PCDH11X: variants seen among roughly 807,000 people sequenced by gnomAD.
PCDH11X encodes protocadherin 11 X-linked, also known as protocadherin-11 X-linked.
In PCDH11X, 18 loss-of-function variants were observed where a neutral mutation model predicts 53.3. The observed-to-expected ratio is 0.34, with a 90% CI of 0.23 to 0.50. The LOEUF (loss-of-function observed/expected upper bound fraction) is 0.50. Among genes scored for constraint, PCDH11X ranks in the 20% least tolerant of loss-of-function variants. The pLI, the probability that PCDH11X is intolerant of heterozygous loss-of-function variation, is 0.98. For missense variants in PCDH11X, 570 were observed against 1,032.4 expected, an observed-to-expected ratio of 0.55 and a Z score of 6.14; for synonymous variants, 279 against 393.3, an observed-to-expected ratio of 0.71 and a Z score of 3.44.
intron 1 of PCDH11X, among the ~76,000 whole-genome samples, chrX:91,796,324 T>C (rs1396579762): frequency 8.9e-6 from 1 of 111,904 alleles, no homozygotes; most frequent in Non-Finnish European, 1.9e-5. Flanking sequence ...GTATACATTT[T>C]TAGAGTAAAT....
rs189247569 is a variant in PCDH11X, at chrX:91,799,472, G to A, written c.-378-9994G>A. 9.3e-4 allele frequency among the ~76,000 whole-genome samples: 103 copies of A among 111,086 alleles called. 3 individuals carry two copies. In the East Asian group the frequency reaches 0.027, roughly 29 times the overall value. On this transcript the variant is annotated intron_variant, in intron 1 of 10. Coordinates refer to ENST00000682573, the MANE Select transcript of PCDH11X (RefSeq NM_032968.5). Reference sequence around the variant, plus strand: ...TATATGATATAAATGAGCTTGATAAGGTTGTTTAAAGATTCACAAAAGAAA... The same window carrying A: ...TATATGATATAAATGAGCTTGATAAAGTTGTTTAAAGATTCACAAAAGAAA...
intron 6 of PCDH11X, among the ~76,000 whole-genome samples, chrX:91,941,836 C>A (rs1244091948): frequency 4.5e-5 from 5 of 111,126 alleles, no homozygotes; most frequent in Non-Finnish European, 9.5e-5. Context: ...TAAAAGAATT[C>A]ATGTTATAGA....
intron 6 of PCDH11X, among the ~76,000 whole-genome samples, chrX:92,029,211 G>A (rs142332228): frequency 0.013 from 1,445 of 111,623 alleles, 20 homozygotes; most frequent in African/African-American, 0.044. Context: ...TAGTCTTTAG[G>A]AGCAAGTTGA....
intron 6 of PCDH11X, among the ~76,000 whole-genome samples, chrX:92,143,908 A>G (rs1276151162): frequency 8.9e-6 from 1 of 111,789 alleles, no homozygotes; most frequent in Non-Finnish European, 1.9e-5. Flanking sequence ...ACAAGGGCAG[A>G]GCTGCCCAAG....
chrX:91,824,031 T>A (rs1441358697), intron 4 of PCDH11X, among the ~76,000 whole-genome samples: 1 of 111,640 alleles, frequency 9.0e-6, no homozygotes, highest in South Asian at 3.8e-4. Flanking sequence ...GTAGGGTTTC[T>A]GCCGAGAGAT....
intron 6 of PCDH11X, among the ~76,000 whole-genome samples, chrX:92,158,799 C>A (rs180693685): frequency 2.7e-3 from 301 of 110,435 alleles, no homozygotes; most frequent in Non-Finnish European, 4.4e-3. Context: ...CCATGCCCAG[C>A]TAATTTTTGT....
At chrX:91,786,060 G>C (rs1935326916) in intron 1 of PCDH11X, among the ~76,000 whole-genome samples, 1 of 111,937 alleles carries the variant, frequency 8.9e-6, no homozygotes, top group African/African-American at 3.2e-5. Flanking sequence ...TTACTGTTTT[G>C]AATTTGAGGA....
intron 9 of PCDH11X, among the ~76,000 whole-genome samples, chrX:92,447,757 T>C (rs1312430018): frequency 8.9e-6 from 1 of 112,372 alleles, no homozygotes; most frequent in Non-Finnish European, 1.9e-5. Context: ...GACCCCAGAA[T>C]GGTAGATCCA....
At chrX:92,581,485 C>G (rs1923699214) in intron 10 of PCDH11X, among the ~76,000 whole-genome samples, 1 of 112,020 alleles carries the variant, frequency 8.9e-6, no homozygotes, top group Non-Finnish European at 1.9e-5. Context: ...CCCTCATTCT[C>G]TCTTGCCTAT....
chrX:92,477,794 A>C (rs1478777796), intron 10 of PCDH11X, among the ~76,000 whole-genome samples: 2 of 104,466 alleles, frequency 1.9e-5, no homozygotes, highest in Non-Finnish European at 3.9e-5. Flanking sequence ...TTCTGTGATC[A>C]TTATTTGTAT....
At chrX:91,832,219 A>G (rs1937131358) in intron 4 of PCDH11X, among the ~76,000 whole-genome samples, 1 of 105,680 alleles carries the variant, frequency 9.5e-6, no homozygotes, top group South Asian at 4.6e-4. Context: ...CACTATTCAC[A>G]ATAGCAAAGA....
At chrX:92,241,875 G>C (rs1437329378) in intron 7 of PCDH11X, among the ~76,000 whole-genome samples, 1 of 111,541 alleles carries the variant, frequency 9.0e-6, no homozygotes, top group African/African-American at 3.3e-5. Flanking sequence ...CAAAAGTATA[G>C]TGTAATATCA....
At chrX:92,108,869 A>C (rs2064440999) in intron 6 of PCDH11X, among the ~76,000 whole-genome samples, 1 of 111,731 alleles carries the variant, frequency 9.0e-6, no homozygotes. Flanking sequence ...AATAATGTTA[A>C]GTAAAATGTT....
chrX:92,370,430 G>C (rs2070588555), intron 8 of PCDH11X, among the ~76,000 whole-genome samples: 1 of 103,630 alleles, frequency 9.6e-6, no homozygotes, highest in South Asian at 4.4e-4. Flanking sequence ...TTGGTCTATA[G>C]TGTTGTTGAA....
intron 6 of PCDH11X, among the ~76,000 whole-genome samples, chrX:92,095,743 T>G (rs1159091618): frequency 8.9e-6 from 1 of 112,312 alleles, no homozygotes; most frequent in East Asian, 2.8e-4. Flanking sequence ...GGGTAATGAC[T>G]TTGCTTTTTA....
intron 10 of PCDH11X, among the ~76,000 whole-genome samples, chrX:92,553,096 T>C: frequency 9.3e-6 from 1 of 107,781 alleles, no homozygotes; most frequent in Middle Eastern, 4.7e-3. Context: ...AGAATGAATT[T>C]GAAAGTATTC....
rs755245554 is a variant in PCDH11X at position 92,593,535 on chromosome X, G to A, written c.3368-24729G>A. On this transcript the variant is annotated intron_variant, in intron 10 of 10. Transcript: ENST00000682573. ...AGAAGGCATGGGAATTTTTGTTGTT[G>A]TTGTTAAAGGGCATGTAATTTTGTC... is the stretch of plus-strand genomic sequence containing the variant. 5.4e-5 allele frequency among the ~76,000 whole-genome samples: 6 copies of A among 111,541 alleles called. No homozygotes were observed. The South Asian group carries it at 2.2e-3, about 42-fold the overall frequency.
Position 92,486,821 on chromosome X carries a change from G to A in PCDH11X, c.3367+18499G>A, listed in dbSNP as rs559901056. ...GAACAACATTTTTAGCATATATTAA[G>A]CAGAGGTAAGATCATCATCTTGTCA... On this transcript the variant is annotated intron_variant, in intron 10 of 10. Transcript: ENST00000682573. Among the ~76,000 whole-genome samples, 4 of 108,294 alleles carry A rather than the reference G, an allele frequency of 3.7e-5. No homozygotes were observed. In the South Asian group the frequency reaches 1.7e-3, roughly 45 times the overall value. The allele number at this position is 108,294 out of a possible 115,157, so 94.0% of individuals were successfully genotyped here.
intron 5 of PCDH11X, among the ~76,000 whole-genome samples, chrX:91,854,926 T>C (rs1186400331): frequency 8.9e-6 from 1 of 111,752 alleles, no homozygotes; most frequent in Non-Finnish European, 1.9e-5. Context: ...TTTGCAATAT[T>C]TTCTCCCATT....
Sources: allele counts gnomAD v4.1 joint callset (sites outside exome capture counted in the v4.1 genomes callset), GRCh38; gene constraint gnomAD v4.1.1; transcripts MANE v1.5; gene names NCBI Gene and HGNC (gene_info 2026-07-23, HGNC 2026-07-21).